DMD: variants seen among roughly 807,000 people sequenced by gnomAD.
The protein encoded by DMD is dystrophin.
DMD carries 63 observed loss-of-function variants against 330.1 expected under a neutral mutation model. The ratio of observed to expected loss-of-function variants is 0.19; its 90% CI spans 0.16 to 0.24. The LOEUF (loss-of-function observed/expected upper bound fraction) is 0.24, where lower values mean the gene tolerates loss of function less well. DMD is among the 10% of genes least tolerant of loss of function. The pLI, the probability that DMD is intolerant of heterozygous loss-of-function variation, is 1.00. For missense variants in DMD, 3,344 were observed against 2,684.1 expected, an observed-to-expected ratio of 1.25 and a Z score of -5.43; for synonymous variants, 1,223 against 959.8, an observed-to-expected ratio of 1.27 and a Z score of -5.07.
At chrX:32,344,706 A>C (rs938652537) in intron 39 of DMD, among the ~76,000 whole-genome samples, 1 of 111,353 alleles carries the variant, frequency 9.0e-6, no homozygotes, top group African/African-American at 3.3e-5. Context: ...TAATATGTAA[A>C]ATATTTAGAG....
At chrX:32,080,595 T>C (rs1021398479) in intron 44 of DMD, among the ~76,000 whole-genome samples, 1 of 111,829 alleles carries the variant, frequency 8.9e-6, no homozygotes, top group Non-Finnish European at 1.9e-5. Flanking sequence ...TGGAAAGGGA[T>C]TACATAACAA....
chrX:32,023,691 G>C (rs986438720), intron 44 of DMD, among the ~76,000 whole-genome samples: 7 of 111,290 alleles, frequency 6.3e-5, no homozygotes, highest in Admixed American at 1.9e-4. Flanking sequence ...ATCAACCTAG[G>C]TGCCCATTAA....
rs762054940 is a variant in DMD, at chrX:31,875,391, T to G, written c.6913-18A>C. On this transcript the variant is annotated intron_variant, in intron 47 of 78. Transcript: ENST00000357033. ...CTGGAAACCTGAAAGGAAAATACAT[T>G]TTAAAAAGGTAAATAATTCTCAAGG... 8.6e-7 allele frequency: 1 copy of G among 1,163,582 alleles called. No individual in the cohort carries two copies. Among genetic ancestry groups the G allele is most frequent in the South Asian group, 1.9e-5 (1 of 53,479 alleles).
intron 47 of DMD, among the ~76,000 whole-genome samples, chrX:31,920,740 G>A (rs1383090299): frequency 9.0e-6 from 1 of 111,600 alleles, no homozygotes; most frequent in Non-Finnish European, 1.9e-5. Flanking sequence ...CATCATGAAC[G>A]GGGAGGAGAG....
At chrX:33,287,258 G>T (rs2053447139) in intron 1 of DMD, among the ~76,000 whole-genome samples, 1 of 110,742 alleles carries the variant, frequency 9.0e-6, no homozygotes, top group African/African-American at 3.3e-5. Context: ...TTTCAAAAGT[G>T]GCACTTTTAA....
Position 32,720,202 on chromosome X carries a change from T to G in DMD, c.650-20909A>C, listed in dbSNP as rs760057129. Reference sequence around the variant, plus strand: ...GTCTACCACAATTCTTTATTGTTGTTACCTTTTCTAATTTTTTTCAGAATG... The same window carrying G: ...GTCTACCACAATTCTTTATTGTTGTGACCTTTTCTAATTTTTTTCAGAATG... On this transcript the variant is annotated intron_variant, in intron 7 of 78. Coordinates refer to ENST00000357033, the MANE Select transcript of DMD (RefSeq NM_004006.3). 2.7e-5 allele frequency among the ~76,000 whole-genome samples: 3 copies of G among 110,957 alleles called. No homozygotes were observed. The South Asian group carries it at 1.1e-3, about 42-fold the overall frequency.
Position 31,402,961 on chromosome X carries a change from A to G in DMD, c.9084+41520T>C, listed in dbSNP as rs186447296. 8.0e-4 allele frequency among the ~76,000 whole-genome samples: 90 copies of G among 111,943 alleles called. 1 individual carries two copies. The highest frequency in any genetic ancestry group is 2.9e-3 in the African/African-American group (89 of 30,943). ...TAATATAAATGAACAGGTCACTATG[A>G]TTATTTGGGTTGCCTATTTAGACAA... is the stretch of plus-strand genomic sequence containing the variant. On this transcript the variant is annotated intron_variant, in intron 60 of 78. Transcript: ENST00000357033.
chrX:33,041,131 T>G (rs145255883), intron 1 of DMD, among the ~76,000 whole-genome samples: 15,673 of 112,707 alleles, frequency 0.14, 878 homozygotes, highest in Non-Finnish European at 0.16. Context: ...ACAAAGAGAA[T>G]AACAGTACCT....
chrX:31,685,248 T>A (rs960874074), intron 52 of DMD, among the ~76,000 whole-genome samples: 1 of 112,013 alleles, frequency 8.9e-6, no homozygotes, highest in Non-Finnish European at 1.9e-5. Context: ...AATTTCTTTA[T>A]ATTATGAATA....
chrX:32,465,582 G>GTTTTTTTTTTTTTTTT (rs1191063866), intron 23 of DMD, among the ~76,000 whole-genome samples: 4 of 76,666 alleles, frequency 5.2e-5, no homozygotes, highest in Non-Finnish European at 7.3e-5. Flanking sequence ...TTTGTTTTTT[G>GTTTTTTTTTTTTTTTT]TTTTTTTTTT....
chrX:31,615,325 T>C (rs2078141905), intron 55 of DMD, among the ~76,000 whole-genome samples: 1 of 111,962 alleles, frequency 8.9e-6, no homozygotes, highest in Non-Finnish European at 1.9e-5. Context: ...TCATTGCCAC[T>C]GCCCCATGGT....
chrX:31,603,554 T>C (rs1603420452), intron 55 of DMD, among the ~76,000 whole-genome samples: 3 of 111,798 alleles, frequency 2.7e-5, no homozygotes, highest in African/African-American at 9.8e-5. Context: ...AGCAGACTGT[T>C]CTGGTTTGCA....
At chrX:32,300,265 G>A (rs932401629) in intron 42 of DMD, among the ~76,000 whole-genome samples, 8 of 111,688 alleles carry the variant, frequency 7.2e-5, no homozygotes, top group Admixed American at 1.9e-4. Flanking sequence ...ATGGTCAGAC[G>A]TGAGCTATTC....
At chrX:31,260,895 CTACTT>C in intron 63 of DMD, 55 bp downstream of exon 63, 2 of 1,084,779 alleles carry the variant, frequency 1.8e-6, no homozygotes, top group Non-Finnish European at 2.6e-6. Context: ...ACACTGCAAA[CTACTT>C]TATCCTAAAG....
intron 59 of DMD, among the ~76,000 whole-genome samples, chrX:31,465,292 G>A (rs776499731): frequency 1.8e-5 from 2 of 110,656 alleles, no homozygotes; most frequent in East Asian, 2.8e-4. Flanking sequence ...TGCCATGGTG[G>A]TTTGCTGCAC....
chrX:31,940,940 A>AG (rs1301836810), intron 45 of DMD, among the ~76,000 whole-genome samples: 1 of 111,763 alleles, frequency 8.9e-6, no homozygotes, highest in Non-Finnish European at 1.9e-5. Flanking sequence ...TGGAATCTGA[A>AG]GGCTTTTATA....
chrX:32,669,801 A>C (rs1239046841), intron 9 of DMD, among the ~76,000 whole-genome samples: 3 of 111,117 alleles, frequency 2.7e-5, no homozygotes, highest in Non-Finnish European at 5.7e-5. Context: ...CTTGTTATTC[A>C]AAACCTGCCA....
chrX:32,007,700 G>A (rs1298552486), intron 44 of DMD, among the ~76,000 whole-genome samples: 1 of 110,633 alleles, frequency 9.0e-6, no homozygotes, highest in Admixed American at 9.7e-5. Flanking sequence ...TTGGGGGGAC[G>A]TGGTGGGGAG....
At chrX:32,731,905 G>A (rs1396458313) in intron 7 of DMD, among the ~76,000 whole-genome samples, 2 of 112,379 alleles carry the variant, frequency 1.8e-5, no homozygotes, top group African/African-American at 6.5e-5. Context: ...GAACAAAGCT[G>A]GAGAGAGGAT....
Sources: allele counts gnomAD v4.1 joint callset (sites outside exome capture counted in the v4.1 genomes callset), GRCh38; gene constraint gnomAD v4.1.1; transcripts MANE v1.5; gene names NCBI Gene and HGNC (gene_info 2026-07-23, HGNC 2026-07-21).